The following GRIP1 variants were observed in gnomAD, a reference collection of about 807,000 sequenced individuals.
The protein encoded by GRIP1 is glutamate receptor interacting protein 1, also known as glutamate receptor-interacting protein 1.
GRIP1 carries 45 observed loss-of-function variants against 129.9 expected under a neutral mutation model. The observed-to-expected ratio is 0.35, with a 90% CI of 0.27 to 0.44. The LOEUF (loss-of-function observed/expected upper bound fraction) is 0.44. Among genes scored for constraint, GRIP1 ranks in the 20% least tolerant of loss-of-function variants. The probability of loss-of-function intolerance (pLI) is 1.00; values close to 1 mark genes in which losing one functional copy is unlikely to be tolerated. For missense variants in GRIP1, 1,196 were observed against 1,396.8 expected, an observed-to-expected ratio of 0.86 and a Z score of 2.29; for synonymous variants, 530 against 520.8, an observed-to-expected ratio of 1.02 and a Z score of -0.24.
At chr12:66,559,150 A>C (rs1197280276) in intron 2 of GRIP1, among the ~76,000 whole-genome samples, 33 of 146,046 alleles carry the variant, frequency 2.3e-4, no homozygotes, top group Middle Eastern at 3.4e-3. Flanking sequence ...AAAAAAAAAA[A>C]CCCTCAAAAA....
At chr12:66,583,209 G>A (rs1165103783) in intron 2 of GRIP1, among the ~76,000 whole-genome samples, 1 of 150,852 alleles carries the variant, frequency 6.6e-6, no homozygotes, top group Non-Finnish European at 1.5e-5. Flanking sequence ...GCCATATGTA[G>A]AAAGCTGAAA....
intron 1 of GRIP1, among the ~76,000 whole-genome samples, chr12:66,707,532 T>C (rs1162690762): frequency 6.9e-6 from 1 of 145,122 alleles, no homozygotes; most frequent in African/African-American, 2.5e-5. Context: ...AAAAAAGATG[T>C]GGAAAACCTG....
intron 4 of GRIP1, among the ~76,000 whole-genome samples, chr12:66,531,880 T>C (rs2061473696): frequency 6.6e-6 from 1 of 152,148 alleles, no homozygotes; most frequent in Admixed American, 6.5e-5. Context: ...TGCTCAGAAC[T>C]CTGCAAAAAT....
At chr12:66,405,827 G>A (rs1259667897) in intron 16 of GRIP1, among the ~76,000 whole-genome samples, 3 of 152,152 alleles carry the variant, frequency 2.0e-5, no homozygotes, top group Non-Finnish European at 4.4e-5. Context: ...AAGCAATATA[G>A]TGATTTAAGA....
chr12:66,868,771 T>C (rs2040246382), intron 1 of GRIP1, among the ~76,000 whole-genome samples: 1 of 152,122 alleles, frequency 6.6e-6, no homozygotes, highest in Non-Finnish European at 1.5e-5. Context: ...GAATCCATGA[T>C]GTTCTCGGTC....
chr12:66,835,930 G>A (rs1051492071), intron 1 of GRIP1, among the ~76,000 whole-genome samples: 32 of 152,116 alleles, frequency 2.1e-4, no homozygotes, highest in Non-Finnish European at 3.2e-4. Flanking sequence ...ACTCTGGTGG[G>A]AAATGTTTAT....
chr12:66,685,760 T>C (rs2034763011), intron 1 of GRIP1, among the ~76,000 whole-genome samples: 1 of 152,206 alleles, frequency 6.6e-6, no homozygotes, highest in Admixed American at 6.5e-5. Context: ...ATACCCAGCT[T>C]ATCACCCTTT....
At chr12:67,048,320 A>G (rs1398571675) in intron 1 of GRIP1, among the ~76,000 whole-genome samples, 1 of 152,210 alleles carries the variant, frequency 6.6e-6, no homozygotes, top group Admixed American at 6.5e-5. Flanking sequence ...AGTACAGATT[A>G]GGAAGAAAGA....
intron 1 of GRIP1, among the ~76,000 whole-genome samples, chr12:66,763,680 T>C (rs142688322): frequency 3.9e-5 from 6 of 151,978 alleles, no homozygotes; most frequent in Non-Finnish European, 7.4e-5. Flanking sequence ...AAATAAAACA[T>C]AGATTAATGT....
upstream of GRIP1, among the ~76,000 whole-genome samples, chr12:66,682,079 C>G (rs145480969): frequency 6.5e-3 from 996 of 152,182 alleles, 17 homozygotes; most frequent in Admixed American, 0.033. Context: ...AGCTTCTCAC[C>G]CCTGGCTAAT....
At chr12:66,854,979 C>T (rs2039978275) in intron 1 of GRIP1, among the ~76,000 whole-genome samples, 1 of 152,038 alleles carries the variant, frequency 6.6e-6, no homozygotes, top group African/African-American at 2.4e-5. Context: ...TCTTTGTCAA[C>T]ATCATTACTA....
At chr12:66,410,274 A>G (rs2057348227) in intron 15 of GRIP1, among the ~76,000 whole-genome samples, 2 of 145,968 alleles carry the variant, frequency 1.4e-5, no homozygotes, top group East Asian at 2.0e-4. Context: ...AAAAAAAAGA[A>G]GAGATAATTA....
intron 2 of GRIP1, among the ~76,000 whole-genome samples, chr12:66,546,487 A>T (rs140878988): frequency 5.2e-4 from 79 of 152,240 alleles, no homozygotes; most frequent in African/African-American, 1.8e-3. Context: ...GATACCCTGT[A>T]TCAAAAATCA....
chr12:67,007,242 A>C (rs953154165), intron 1 of GRIP1, among the ~76,000 whole-genome samples: 1 of 152,130 alleles, frequency 6.6e-6, no homozygotes, highest in African/African-American at 2.4e-5. Flanking sequence ...ACTCAAATAC[A>C]CAAGAAGTAA....
At chr12:66,539,034 C>G in intron 4 of GRIP1, 44 bp downstream of exon 4, 1 of 1,557,824 alleles carries the variant, frequency 6.4e-7, no homozygotes, top group Non-Finnish European at 8.9e-7. Flanking sequence ...CACTGGGGGT[C>G]TTGGAATGTA....
chr12:66,467,909 T>A (rs1048779137), intron 7 of GRIP1, among the ~76,000 whole-genome samples: 2 of 152,272 alleles, frequency 1.3e-5, no homozygotes, highest in Non-Finnish European at 2.9e-5. Flanking sequence ...ATGTTTTTCC[T>A]CATGGTTTTG....
chr12:67,001,886 T>C (rs1250191078), intron 1 of GRIP1, among the ~76,000 whole-genome samples: 1 of 152,124 alleles, frequency 6.6e-6, no homozygotes, highest in Non-Finnish European at 1.5e-5. Context: ...ATGTCCAGCA[T>C]ATCACACCTG....
At chr12:67,000,931 T>C (rs1438984725) in intron 1 of GRIP1, among the ~76,000 whole-genome samples, 4 of 152,224 alleles carry the variant, frequency 2.6e-5, no homozygotes, top group Admixed American at 1.3e-4. Flanking sequence ...ATATACTCCA[T>C]AAGATATCCT....
chr12:66,814,878 C>G (rs940974320), intron 1 of GRIP1, among the ~76,000 whole-genome samples: 15 of 151,974 alleles, frequency 9.9e-5, no homozygotes, highest in African/African-American at 3.6e-4. Context: ...TGAGTGTAAC[C>G]AGGGGAAATG....
Sources: allele counts gnomAD v4.1 joint callset (sites outside exome capture counted in the v4.1 genomes callset), GRCh38; gene constraint gnomAD v4.1.1; transcripts MANE v1.5; gene names NCBI Gene and HGNC (gene_info 2026-07-23, HGNC 2026-07-21).